Variants in PRKCH observed in about 807,000 individuals in gnomAD.
PRKCH encodes the protein protein kinase C eta type.
Under a neutral mutation model 82.5 loss-of-function variants are expected in PRKCH, and 28 were observed. That is an observed-to-expected ratio of 0.34 (90% confidence interval 0.25 to 0.47). PRKCH has a LOEUF of 0.47. PRKCH is among the 20% of genes least tolerant of loss of function. PRKCH has a pLI of 1.00. For synonymous variants in PRKCH, 322 were observed against 327.4 expected (o/e 0.98, Z 0.18); for missense variants, 705 against 881.8 (o/e 0.80, Z 2.54).
intron 1 of PRKCH, chr14:61,279,825 G>T (rs2045239329): frequency 4.3e-6 from 2 of 467,578 alleles, no homozygotes; most frequent in African/African-American, 3.9e-5. Context: ...CAGACTTGAA[G>T]AACCTCACAT....
chr14:61,275,930 G>A (rs1433107816), intron 1 of PRKCH, among the ~76,000 whole-genome samples: 1 of 152,132 alleles, frequency 6.6e-6, no homozygotes, highest in Non-Finnish European at 1.5e-5. Context: ...CGCTAATGAC[G>A]GCAATCTTAA....
chr14:61,526,724 CACAG>C (rs1324864480), intron 10 of PRKCH, among the ~76,000 whole-genome samples: 8 of 152,236 alleles, frequency 5.3e-5, no homozygotes, highest in Admixed American at 5.2e-4. Flanking sequence ...TGACACAACC[CACAG>C]TGAATATGGC....
At position 61,259,357 on chromosome 14, in the gene PRKCH, G is replaced by T. The variant is rs1275959411; in HGVS notation, c.-19+71689G>T. 2.0e-5 allele frequency among the ~76,000 whole-genome samples: 3 copies of T among 152,106 alleles called. No individual in the cohort carries two copies. In the South Asian group the frequency reaches 6.2e-4, roughly 32 times the overall value. On this transcript the variant is annotated intron_variant, in intron 1 of 3. Coordinates refer to the PRKCH transcript ENST00000555185. Reference sequence around the variant, plus strand: ...ATTGGAGTTATCAAAAGCATTTTCTGGGCGTTTATGGAAGATCTTCATTCA... The same window carrying T: ...ATTGGAGTTATCAAAAGCATTTTCTTGGCGTTTATGGAAGATCTTCATTCA...
At chr14:61,508,509 AG>A (rs1344035824) in intron 10 of PRKCH, among the ~76,000 whole-genome samples, 1 of 152,158 alleles carries the variant, frequency 6.6e-6, no homozygotes, top group Non-Finnish European at 1.5e-5. Flanking sequence ...GAGTCCTGAT[AG>A]TTGGGTAAAA....
chr14:61,500,220 T>C (rs1425074740), intron 10 of PRKCH, among the ~76,000 whole-genome samples: 3 of 151,952 alleles, frequency 2.0e-5, no homozygotes, highest in Non-Finnish European at 2.9e-5. Flanking sequence ...GTCTTTTTTT[T>C]TGAGACACGG....
At chr14:61,312,199 T>C (rs2140110543) in intron 1 of PRKCH, among the ~76,000 whole-genome samples, 1 of 152,358 alleles carries the variant, frequency 6.6e-6, no homozygotes, top group Admixed American at 6.5e-5. Flanking sequence ...TGTCCAGCAT[T>C]TTGAATAAAC....
intron 6 of PRKCH, 108 bp from the exon 7 acceptor site, chr14:61,453,118 G>T (rs1423400132): frequency 1.5e-6 from 2 of 1,351,518 alleles, no homozygotes; most frequent in African/African-American, 2.9e-5. Flanking sequence ...CTGTTCAGCC[G>T]GTATAATTCC....
chr14:61,349,411 G>A (rs565076702), intron 1 of PRKCH, among the ~76,000 whole-genome samples: 2 of 152,306 alleles, frequency 1.3e-5, no homozygotes, highest in South Asian at 2.1e-4. Flanking sequence ...GGTTCTGAGA[G>A]ATTAGATAAT....
intron 1 of PRKCH, among the ~76,000 whole-genome samples, chr14:61,254,609 AAAAAC>A (rs929606934): frequency 2.6e-5 from 4 of 152,024 alleles, no homozygotes; most frequent in African/African-American, 7.2e-5. Flanking sequence ...ACCCTGTTTA[AAAAAC>A]AAAACAAAAT....
At chr14:61,467,621 T>C (rs1885318756) in intron 9 of PRKCH, among the ~76,000 whole-genome samples, 1 of 152,242 alleles carries the variant, frequency 6.6e-6, no homozygotes, top group South Asian at 2.1e-4. Context: ...GCCGAAAGGC[T>C]GGGAGACTTT....
intron 1 of PRKCH, among the ~76,000 whole-genome samples, chr14:61,203,134 G>T (rs1192836833): frequency 1.3e-5 from 2 of 152,048 alleles, no homozygotes; most frequent in African/African-American, 4.8e-5. Flanking sequence ...TGTTCCTTCA[G>T]TTACTGACTG....
chr14:61,292,587 G>T (rs2140099319), intron 1 of PRKCH, among the ~76,000 whole-genome samples: 1 of 151,788 alleles, frequency 6.6e-6, no homozygotes, highest in East Asian at 1.9e-4. Flanking sequence ...CCAGCCTGAT[G>T]GGGTGAAACC....
chr14:61,280,016 C>G lies in PRKCH; in HGVS notation c.-19+92348C>G. 7.7e-7 allele frequency: 1 copy of G among 1,301,886 alleles called. No individual in the cohort carries two copies. Among genetic ancestry groups the G allele is most frequent in the South Asian group, 1.5e-5 (1 of 65,724 alleles). 80.6% of individuals were successfully genotyped at this position (1,301,886 alleles called of 1,614,324 possible). ...GCTAGGCGAGGTTGGAATTGGGTGA[C>G]GGGCGAGGAGGAGATGCCAAAAGCA... On this transcript the variant is annotated intron_variant, in intron 1 of 3. Coordinates refer to the PRKCH transcript ENST00000555185. This position sits in a 1 kb window ranked among gnomAD's most constrained non-coding sequence, Gnocchi z 5.0.
At position 61,457,656 on chromosome 14, in the gene PRKCH, T is replaced by C; in HGVS notation, c.1255T>C (p.Leu419=). The C allele has an allele frequency of 6.2e-7, 1 of 1,614,162 alleles. No individual in the cohort carries two copies. The highest frequency in any genetic ancestry group is 1.6e-4 in the Middle Eastern group (1 of 6,062). The change falls in exon 9 of 14, where the codon TTG becomes CTG. Residue 419 remains leucine (L), a synonymous_variant. Transcript: ENST00000332981. The stretch of plus-strand genomic sequence containing the variant: ...CCGCAATCACCCCTTCCTCACTCAG[T>C]TGTTCTGCTGCTTTCAGACCCCCGT... ...LARNHPFLTQ[L]FCCFQTPDRL... is the part of the protein sequence containing the mutation.
intron 9 of PRKCH, among the ~76,000 whole-genome samples, chr14:61,473,041 A>G (rs948094579): frequency 6.6e-6 from 1 of 152,156 alleles, no homozygotes; most frequent in African/African-American, 2.4e-5. Flanking sequence ...TTCCCAGAGG[A>G]GGGGCTGTGT....
intron 1 of PRKCH, among the ~76,000 whole-genome samples, chr14:61,355,598 C>A (rs1186564801): frequency 6.6e-6 from 1 of 151,978 alleles, no homozygotes; most frequent in African/African-American, 2.4e-5. Context: ...TATCTTCTTA[C>A]CTTTTTACTA....
intron 1 of PRKCH, among the ~76,000 whole-genome samples, chr14:61,382,837 G>C (rs1196485870): frequency 2.0e-5 from 3 of 152,180 alleles, no homozygotes; most frequent in Non-Finnish European, 4.4e-5. Flanking sequence ...TCCTGTCTGT[G>C]ATCAATTCTA....
At position 61,321,901 on chromosome 14, in the gene PRKCH, C is replaced by A; in HGVS notation, c.-201C>A. Reference sequence around the variant, plus strand: ...CTCGGCGGCGGGCTCCCCTCCTTTCCACCTCGGGAGGGAGGGAAGGAGGGG... The same window carrying A: ...CTCGGCGGCGGGCTCCCCTCCTTTCAACCTCGGGAGGGAGGGAAGGAGGGG... On this transcript the variant is annotated 5_prime_UTR_variant, in exon 1 of 14. Transcript: ENST00000332981. This position sits in a 1 kb window ranked among gnomAD's most constrained non-coding sequence, Gnocchi z 4.1. 1 of 534,376 alleles carries A rather than the reference C, an allele frequency of 1.9e-6. No homozygotes were observed. 33.1% of individuals were successfully genotyped at this position (534,376 alleles called of 1,614,324 possible).
chr14:61,385,416 A>G (rs193031523), intron 1 of PRKCH, among the ~76,000 whole-genome samples: 1 of 152,342 alleles, frequency 6.6e-6, no homozygotes, highest in East Asian at 1.9e-4. Context: ...GAGCCTAACC[A>G]CTGCACGAGC....
Sources: gnomAD v4.1 joint callset for allele counts (sites outside exome capture counted in the v4.1 genomes callset) on GRCh38, gnomAD v4.1.1 for gene constraint, Gnocchi (gnomAD v3.1) non-coding constraint, MANE v1.5 for transcripts, NCBI Gene and HGNC (gene_info 2026-07-23, HGNC 2026-07-21) for gene names.